GRIA4: variants seen among roughly 807,000 people sequenced by gnomAD.
GRIA4 encodes the protein glutamate receptor 4.
A neutral mutation model predicts 104.0 loss-of-function variants in GRIA4; 34 were observed. The ratio of observed to expected loss-of-function variants is 0.33; its 90% CI spans 0.25 to 0.44. The LOEUF (loss-of-function observed/expected upper bound fraction) is 0.44, where lower values mean the gene tolerates loss of function less well. Among genes scored for constraint, GRIA4 ranks in the 20% least tolerant of loss-of-function variants. GRIA4 has a pLI of 1.00. For synonymous variants in GRIA4, 386 were observed against 381.9 expected, an observed-to-expected ratio of 1.01 and a Z score of -0.13; for missense variants, 750 against 1,096.5, an observed-to-expected ratio of 0.68 and a Z score of 4.46.
intron 4 of GRIA4, among the ~76,000 whole-genome samples, chr11:105,848,843 G>A (rs935299568): frequency 6.6e-6 from 1 of 152,150 alleles, no homozygotes; most frequent in Non-Finnish European, 1.5e-5. Context: ...GAGTGCAGCT[G>A]TATGGAGAAT....
chr11:105,922,700 C>T (rs898206107), intron 11 of GRIA4, among the ~76,000 whole-genome samples: 1 of 152,036 alleles, frequency 6.6e-6, no homozygotes. Flanking sequence ...TAATGTTCTA[C>T]ATTATTCCTT....
chr11:105,772,229 A>C (rs1941241021), intron 4 of GRIA4, among the ~76,000 whole-genome samples: 4 of 152,140 alleles, frequency 2.6e-5, no homozygotes, highest in African/African-American at 9.7e-5. Context: ...GAATACCATA[A>C]ACCCTGAATA....
At chr11:105,752,151 T>C (rs1171646423) in intron 3 of GRIA4, among the ~76,000 whole-genome samples, 1 of 152,104 alleles carries the variant, frequency 6.6e-6, no homozygotes, top group Non-Finnish European at 1.5e-5. Flanking sequence ...GAAGAATCTT[T>C]TTCTATTTAT....
intron 5 of GRIA4, among the ~76,000 whole-genome samples, chr11:105,884,621 C>T (rs1946186375): frequency 6.6e-6 from 1 of 152,150 alleles, no homozygotes; most frequent in Non-Finnish European, 1.5e-5. Context: ...AATAAATCTC[C>T]AGATCCCTGC....
intron 3 of GRIA4, among the ~76,000 whole-genome samples, chr11:105,710,908 C>G (rs1354088906): frequency 6.6e-6 from 1 of 151,174 alleles, no homozygotes; most frequent in African/African-American, 2.4e-5. Flanking sequence ...TTGTTTCCTA[C>G]TATTTTATTA....
At chr11:105,732,967 T>C (rs1447233377) in intron 3 of GRIA4, among the ~76,000 whole-genome samples, 3 of 152,240 alleles carry the variant, frequency 2.0e-5, no homozygotes, top group Non-Finnish European at 4.4e-5. Context: ...TTACCTCATT[T>C]GATGTGTCTA....
chr11:105,862,330 T>G, intron 5 of GRIA4, 122 bp downstream of exon 5: 1 of 630,356 alleles, frequency 1.6e-6, no homozygotes, highest in East Asian at 2.8e-5. Flanking sequence ...TTTGAGAGTT[T>G]TCATTCCATG....
chr11:105,815,590 C>A (rs2135884962), intron 4 of GRIA4, among the ~76,000 whole-genome samples: 1 of 152,068 alleles, frequency 6.6e-6, no homozygotes, highest in East Asian at 1.9e-4. Context: ...GATGCCGCTC[C>A]AGCTGTTACT....
At chr11:105,928,113 T>C (rs552527424) in intron 13 of GRIA4, among the ~76,000 whole-genome samples, 13 of 152,142 alleles carry the variant, frequency 8.5e-5, no homozygotes, top group African/African-American at 3.1e-4. Context: ...AACTTTTGTA[T>C]ACTTGAATTT....
chr11:105,673,622 G>A (rs1490899902), intron 3 of GRIA4, among the ~76,000 whole-genome samples: 29 of 151,874 alleles, frequency 1.9e-4, no homozygotes, highest in Non-Finnish European at 1.8e-4. Flanking sequence ...GTATCCACTC[G>A]CTAGCAATTT....
intron 4 of GRIA4, among the ~76,000 whole-genome samples, chr11:105,771,192 C>T (rs1293696799): frequency 6.6e-6 from 1 of 152,044 alleles, no homozygotes; most frequent in African/African-American, 2.4e-5. Context: ...ATCTTTACTC[C>T]TTAATCCTTT....
At chr11:105,895,252 C>CGTTGTGTGT (rs1555040928) in intron 6 of GRIA4, among the ~76,000 whole-genome samples, 2,083 of 148,854 alleles carry the variant, frequency 0.014, 107 homozygotes, top group Admixed American at 0.095. Context: ...CGAGCTCATG[C>CGTTGTGTGT]GTGTGTGTGT....
chr11:105,795,208 G>C (rs1188463730), intron 4 of GRIA4, among the ~76,000 whole-genome samples: 1 of 152,120 alleles, frequency 6.6e-6, no homozygotes, highest in Non-Finnish European at 1.5e-5. Flanking sequence ...GACTTCACCA[G>C]AATGTTTAAT....
At chr11:105,665,309 C>A (rs1952132079) in intron 3 of GRIA4, among the ~76,000 whole-genome samples, 1 of 151,900 alleles carries the variant, frequency 6.6e-6, no homozygotes, top group African/African-American at 2.4e-5. Context: ...AGACAATTAC[C>A]TTATGAGAAA....
chr11:105,803,503 A>G (rs1942808442), intron 4 of GRIA4, among the ~76,000 whole-genome samples: 1 of 151,954 alleles, frequency 6.6e-6, no homozygotes, highest in African/African-American at 2.4e-5. Flanking sequence ...GTTATTAATT[A>G]TACATATTAA....
At chr11:105,939,264 T>C (rs1948126381) in intron 14 of GRIA4, among the ~76,000 whole-genome samples, 1 of 152,122 alleles carries the variant, frequency 6.6e-6, no homozygotes, top group South Asian at 2.1e-4. Context: ...AATTGAAAAG[T>C]TTCTATATTC....
intron 14 of GRIA4, among the ~76,000 whole-genome samples, chr11:105,948,328 T>C (rs1948368583): frequency 6.6e-6 from 1 of 152,074 alleles, no homozygotes; most frequent in Non-Finnish European, 1.5e-5. Flanking sequence ...AGTTGGAACT[T>C]TTTATTTTTA....
chr11:105,718,359 G>T (rs1361864667), intron 3 of GRIA4, among the ~76,000 whole-genome samples: 1 of 152,172 alleles, frequency 6.6e-6, no homozygotes, highest in East Asian at 1.9e-4. Flanking sequence ...ACTGATGCCT[G>T]TAATGGAGAG....
chr11:105,810,666 G>C (rs1300707345), intron 4 of GRIA4, among the ~76,000 whole-genome samples: 1 of 152,094 alleles, frequency 6.6e-6, no homozygotes, highest in Non-Finnish European at 1.5e-5. Flanking sequence ...AAATATACCT[G>C]ACCCCGACCT....
Sources: allele counts gnomAD v4.1 joint callset (sites outside exome capture counted in the v4.1 genomes callset), GRCh38; gene constraint gnomAD v4.1.1; transcripts MANE v1.5; gene names NCBI Gene and HGNC (gene_info 2026-07-23, HGNC 2026-07-21).